The following CSMD1 variants were observed in gnomAD, a reference collection of about 807,000 sequenced individuals.
CSMD1 encodes the protein CUB and sushi domain-containing protein 1.
Under a neutral mutation model 417.5 loss-of-function variants are expected in CSMD1, and 213 were observed. That is an observed-to-expected ratio of 0.51 (90% CI 0.46 to 0.57). The LOEUF is 0.57. CSMD1 is among the 20% of genes least tolerant of loss of function. CSMD1 has a pLI of 0.00. For missense variants in CSMD1, 6,923 were observed against 4,529.7 expected (o/e 1.53, Z -15.17); for synonymous variants, 2,862 against 1,736.8 (o/e 1.65, Z -16.11).
chr8:3,327,371 G>C (rs1806601130), intron 23 of CSMD1, among the ~76,000 whole-genome samples: 1 of 152,068 alleles, frequency 6.6e-6, no homozygotes, highest in African/African-American at 2.4e-5. Flanking sequence ...GTGACCTTGT[G>C]ATCTGCCCAC....
intron 1 of CSMD1, among the ~76,000 whole-genome samples, chr8:4,720,062 G>C (rs1034811797): frequency 6.6e-6 from 1 of 151,756 alleles, no homozygotes; most frequent in African/African-American, 2.4e-5. Flanking sequence ...CCTGTGGTGA[G>C]GCTTTTTCTA....
intron 12 of CSMD1, among the ~76,000 whole-genome samples, chr8:3,445,899 T>A (rs2117081237): frequency 6.6e-6 from 1 of 152,252 alleles, no homozygotes; most frequent in Middle Eastern, 3.4e-3. Context: ...AAAATTGAGA[T>A]CTATCATCTT....
intron 1 of CSMD1, among the ~76,000 whole-genome samples, chr8:4,822,493 T>C (rs530125820): frequency 6.6e-6 from 1 of 152,108 alleles, no homozygotes; most frequent in Non-Finnish European, 1.5e-5. Context: ...GATGGAGATG[T>C]TTCTCATTTA....
chr8:3,292,198 G>T (rs574155332), intron 25 of CSMD1, among the ~76,000 whole-genome samples: 97 of 152,302 alleles, frequency 6.4e-4, no homozygotes, highest in African/African-American at 2.3e-3. Flanking sequence ...GAGACAGTTT[G>T]TTGTAATTTC....
At chr8:4,442,163 C>T (rs1352327312) in intron 2 of CSMD1, among the ~76,000 whole-genome samples, 1 of 152,170 alleles carries the variant, frequency 6.6e-6, no homozygotes, top group Non-Finnish European at 1.5e-5. Context: ...TGAAACACAG[C>T]TTCAAATGCA....
intron 11 of CSMD1, among the ~76,000 whole-genome samples, chr8:3,493,108 A>G (rs1475599350): frequency 1.3e-5 from 2 of 152,074 alleles, no homozygotes; most frequent in Admixed American, 6.5e-5. Flanking sequence ...AACCGGGCCA[A>G]CATGGCAAAC....
At chr8:3,499,263 G>T (rs1004699539) in intron 10 of CSMD1, among the ~76,000 whole-genome samples, 1 of 152,204 alleles carries the variant, frequency 6.6e-6, no homozygotes, top group Non-Finnish European at 1.5e-5. Context: ...TGTAATCAAT[G>T]TCTGCATGTT....
chr8:3,416,892 T>C (rs769299999), intron 12 of CSMD1, among the ~76,000 whole-genome samples: 2 of 152,258 alleles, frequency 1.3e-5, no homozygotes, highest in South Asian at 2.1e-4. Context: ...AAGTTCTTTG[T>C]ATAAAACCGC....
chr8:3,217,710 G>T (rs1466833860), intron 29 of CSMD1, among the ~76,000 whole-genome samples: 1 of 152,068 alleles, frequency 6.6e-6, no homozygotes, highest in Non-Finnish European at 1.5e-5. Flanking sequence ...TTGCTAAATT[G>T]TATAATTTTT....
At chr8:3,215,376 T>A (rs1797824566) in intron 29 of CSMD1, among the ~76,000 whole-genome samples, 2 of 152,232 alleles carry the variant, frequency 1.3e-5, no homozygotes, top group Admixed American at 1.3e-4. Context: ...CTACCTTAGT[T>A]AAAATAATTG....
chr8:3,187,942 C>A lies in CSMD1; in HGVS notation c.5547G>T (p.Thr1849=), dbSNP rs752412543. The stretch of plus-strand genomic sequence containing the variant: ...TCTCAAGGGAGTCCCAGTTCTGCTC[C>A]GTGGCAAAACTGATCACTTGGATCT... The part of the protein sequence containing the change: ...GIQIQVISFA[T]EQNWDSLEIH... The change falls in exon 36 of 70, where the codon ACG becomes ACT. Residue 1849 remains threonine (T), a synonymous_variant. Transcript: ENST00000635120. 47 of 1,612,544 alleles carry A rather than the reference C, an allele frequency of 2.9e-5. No individual in the cohort carries two copies. Among genetic ancestry groups the A allele is most frequent in the Non-Finnish European group, 3.8e-5 (45 of 1,179,452 alleles).
At chr8:4,580,603 C>A (rs1799368432) in intron 2 of CSMD1, among the ~76,000 whole-genome samples, 1 of 152,102 alleles carries the variant, frequency 6.6e-6, no homozygotes, top group East Asian at 1.9e-4. Context: ...TCACCCATAA[C>A]TGCTCTCTCC....
chr8:4,594,265 G>A (rs531012749), intron 2 of CSMD1, among the ~76,000 whole-genome samples: 1 of 140,292 alleles, frequency 7.1e-6, no homozygotes, highest in Non-Finnish European at 1.5e-5. Flanking sequence ...GTGCAGTGGC[G>A]TGATCTCAGC....
intron 3 of CSMD1, among the ~76,000 whole-genome samples, chr8:4,050,341 A>G (rs1024415322): frequency 5.9e-5 from 9 of 152,204 alleles, no homozygotes; most frequent in Admixed American, 3.9e-4. Context: ...TACACAGAGC[A>G]CCCACTAAAG....
intron 50 of CSMD1, among the ~76,000 whole-genome samples, chr8:3,040,285 TTAAGTAATATA>T (rs1810998210): frequency 6.6e-6 from 1 of 151,746 alleles, no homozygotes; most frequent in Non-Finnish European, 1.5e-5. Context: ...CTGGCTACTA[TTAAGTAATATA>T]TAGCTTGGAG....
intron 1 of CSMD1, among the ~76,000 whole-genome samples, chr8:4,860,643 T>A (rs1802075784): frequency 6.6e-6 from 1 of 152,268 alleles, no homozygotes; most frequent in East Asian, 1.9e-4. Context: ...TTTATGGCAA[T>A]GCTAATACAG....
At chr8:3,670,933 A>G (rs1208076256) in intron 7 of CSMD1, among the ~76,000 whole-genome samples, 1 of 146,840 alleles carries the variant, frequency 6.8e-6, no homozygotes, top group African/African-American at 2.5e-5. Context: ...TATATGGGAT[A>G]TATATGTATG....
intron 3 of CSMD1, among the ~76,000 whole-genome samples, chr8:4,072,637 C>G (rs150502671): frequency 2.6e-5 from 4 of 152,244 alleles, no homozygotes; most frequent in East Asian, 1.9e-4. Flanking sequence ...AATTAAACAT[C>G]CACATGATTA....
At chr8:3,934,663 G>A (rs1184776161) in intron 5 of CSMD1, among the ~76,000 whole-genome samples, 2 of 151,982 alleles carry the variant, frequency 1.3e-5, no homozygotes, top group Non-Finnish European at 2.9e-5. Context: ...AGACCAGCCT[G>A]GCCAACATGA....
Sources: allele counts gnomAD v4.1 joint callset (sites outside exome capture counted in the v4.1 genomes callset), GRCh38; gene constraint gnomAD v4.1.1; transcripts MANE v1.5; gene names NCBI Gene and HGNC (gene_info 2026-07-23, HGNC 2026-07-21).